DDX10: variants seen among roughly 807,000 people sequenced by gnomAD.
DDX10 encodes probable ATP-dependent RNA helicase DDX10.
A neutral mutation model predicts 104.3 loss-of-function variants in DDX10; 74 were observed. That is an observed-to-expected ratio of 0.71 (90% CI 0.59 to 0.86). The LOEUF is 0.86. Ranked by LOEUF, DDX10 falls within the 40% of genes least tolerant of loss-of-function variation. The pLI is 0.00. For missense variants in DDX10, 952 were observed against 1,040.0 expected (o/e 0.92, Z 1.16); for synonymous variants, 351 against 353.4 (o/e 0.99, Z 0.08).
At chr11:108,792,983 T>C (rs888821760) in intron 13 of DDX10, among the ~76,000 whole-genome samples, 1 of 152,182 alleles carries the variant, frequency 6.6e-6, no homozygotes, top group Non-Finnish European at 1.5e-5. Flanking sequence ...ATTCAATTAT[T>C]AAAGAAAACT....
At chr11:108,703,067 G>A (rs2094270755) in intron 9 of DDX10, among the ~76,000 whole-genome samples, 1 of 152,154 alleles carries the variant, frequency 6.6e-6, no homozygotes, top group Non-Finnish European at 1.5e-5. Context: ...TGTTAAAATA[G>A]TTCATCATGG....
chr11:108,783,272 A>G (rs191828211), intron 13 of DDX10, among the ~76,000 whole-genome samples: 16 of 152,356 alleles, frequency 1.1e-4, no homozygotes, highest in East Asian at 1.9e-4. Context: ...AAAGTAATCA[A>G]GAAAGAAATA....
intron 13 of DDX10, among the ~76,000 whole-genome samples, chr11:108,787,911 C>G (rs1251367376): frequency 6.6e-6 from 1 of 152,052 alleles, no homozygotes; most frequent in Non-Finnish European, 1.5e-5. Flanking sequence ...GCCTGGGCAA[C>G]AAGAGCAAAA....
At chr11:108,666,848 ACATT>A (rs2094210828) in intron 1 of DDX10, among the ~76,000 whole-genome samples, 1 of 152,212 alleles carries the variant, frequency 6.6e-6, no homozygotes, top group Non-Finnish European at 1.5e-5. Context: ...ATGTAAGGTA[ACATT>A]CATCCCTTCC....
At chr11:108,734,118 A>G (rs994874438) in intron 13 of DDX10, among the ~76,000 whole-genome samples, 1 of 151,898 alleles carries the variant, frequency 6.6e-6, no homozygotes, top group African/African-American at 2.4e-5. Context: ...CTTTTTCTTG[A>G]CATTTCATAA....
At chr11:108,911,628 C>T (rs1366053485) in intron 16 of DDX10, among the ~76,000 whole-genome samples, 1 of 122,266 alleles carries the variant, frequency 8.2e-6, no homozygotes, top group Non-Finnish European at 1.6e-5. Context: ...CGTGCAGTGG[C>T]ATGATCTTGG....
chr11:108,675,533 T>G, intron 2 of DDX10, 63 bp from the exon 3 acceptor site: 1 of 1,558,716 alleles, frequency 6.4e-7, no homozygotes. Flanking sequence ...CACAACTCAC[T>G]TAGCCTATAA....
chr11:108,693,288 G>A (rs1396430350), intron 8 of DDX10, among the ~76,000 whole-genome samples: 1 of 152,182 alleles, frequency 6.6e-6, no homozygotes, highest in African/African-American at 2.4e-5. Flanking sequence ...TGTCAGATAC[G>A]AAGTAATCTT....
intron 13 of DDX10, among the ~76,000 whole-genome samples, chr11:108,804,482 G>C (rs375669526): frequency 1.4e-4 from 18 of 130,234 alleles, no homozygotes; most frequent in African/African-American, 5.1e-4. Flanking sequence ...CTGGGTGACA[G>C]AGTGAGACCC....
chr11:108,711,910 G>A (rs889713296), intron 10 of DDX10, among the ~76,000 whole-genome samples: 3 of 152,170 alleles, frequency 2.0e-5, no homozygotes, highest in Non-Finnish European at 4.4e-5. Context: ...GGGTGTTGAA[G>A]TCTCTAATTA....
At chr11:108,837,205 T>C (rs1402743095) in intron 13 of DDX10, among the ~76,000 whole-genome samples, 1 of 152,216 alleles carries the variant, frequency 6.6e-6, no homozygotes, top group African/African-American at 2.4e-5. Context: ...AACTTACAAC[T>C]AAACCCAGAG....
At chr11:108,797,550 G>C (rs1157307196) in intron 13 of DDX10, among the ~76,000 whole-genome samples, 1 of 152,190 alleles carries the variant, frequency 6.6e-6, no homozygotes, top group Non-Finnish European at 1.5e-5. Flanking sequence ...AGGAGATAGA[G>C]CTCTATTTAG....
At chr11:108,837,285 A>G (rs1591831444) in intron 13 of DDX10, among the ~76,000 whole-genome samples, 1 of 152,296 alleles carries the variant, frequency 6.6e-6, no homozygotes, top group East Asian at 1.9e-4. Context: ...CATTTTCCTA[A>G]CTACTACACC....
intron 13 of DDX10, among the ~76,000 whole-genome samples, chr11:108,803,455 G>A (rs1862052932): frequency 6.6e-6 from 1 of 151,792 alleles, no homozygotes. Flanking sequence ...TTAGCCGAGC[G>A]TGATGGCACA....
chr11:108,725,355 A>G (rs2094304076), intron 13 of DDX10, among the ~76,000 whole-genome samples: 1 of 152,092 alleles, frequency 6.6e-6, no homozygotes, highest in Non-Finnish European at 1.5e-5. Context: ...TACTGGGAAC[A>G]TATGTTAAGG....
chr11:108,925,518 T>C (rs1863897350), intron 17 of DDX10, among the ~76,000 whole-genome samples: 1 of 152,212 alleles, frequency 6.6e-6, no homozygotes, highest in Non-Finnish European at 1.5e-5. Flanking sequence ...TTGTTTTCAC[T>C]GAAAAGACCT....
In DDX10 at chr11:108,852,138, C is replaced by G. The variant is rs1565298665; in HGVS notation, c.2248-15C>G. On this transcript the variant is annotated splice_polypyrimidine_tract_variant and intron_variant, in intron 15 of 17. Transcript: ENST00000322536. The stretch of plus-strand genomic sequence containing the variant: ...ATTATATGCTGCTAATTTTTCTCCT[C>G]TTCCTTGTCTCCAGGAGAAAAGACT... 2 of 1,602,652 alleles carry G rather than the reference C, an allele frequency of 1.2e-6. No individual in the cohort carries two copies. The highest frequency in any genetic ancestry group is 2.2e-5 in the South Asian group (2 of 89,064).
At chr11:108,880,934 C>A (rs1863219808) in intron 16 of DDX10, among the ~76,000 whole-genome samples, 1 of 152,124 alleles carries the variant, frequency 6.6e-6, no homozygotes, top group East Asian at 1.9e-4. Flanking sequence ...TTACATTGTT[C>A]TCTCTTTTGA....
At chr11:108,715,771 A>G in intron 10 of DDX10, 108 bp from the exon 11 acceptor site, 1 of 635,118 alleles carries the variant, frequency 1.6e-6, no homozygotes, top group Non-Finnish European at 2.8e-6. Flanking sequence ...TAGATGAGAA[A>G]TAGTTATACA....
Sources: allele counts gnomAD v4.1 joint callset (sites outside exome capture counted in the v4.1 genomes callset), GRCh38; gene constraint gnomAD v4.1.1; transcripts MANE v1.5; gene names NCBI Gene and HGNC (gene_info 2026-07-23, HGNC 2026-07-21).